Variants in MTMR12 observed in about 807,000 individuals in gnomAD.
The protein encoded by MTMR12 is myotubularin-related protein 12.
MTMR12 carries 33 observed loss-of-function variants against 96.7 expected under a neutral mutation model. The observed-to-expected ratio is 0.34, with a 90% CI of 0.26 to 0.46. The LOEUF (loss-of-function observed/expected upper bound fraction) is 0.46, where lower values mean the gene tolerates loss of function less well. Among genes scored for constraint, MTMR12 ranks in the 20% least tolerant of loss-of-function variants. The probability of loss-of-function intolerance (pLI) is 1.00; values close to 1 mark genes in which losing one functional copy is unlikely to be tolerated. For synonymous variants in MTMR12, 298 were observed against 327.2 expected (o/e 0.91, Z 0.96); for missense variants, 721 against 896.1 (o/e 0.80, Z 2.49).
At chr5:32,251,735 T>A (rs958315081) in intron 8 of MTMR12, among the ~76,000 whole-genome samples, 1 of 151,946 alleles carries the variant, frequency 6.6e-6, no homozygotes, top group Non-Finnish European at 1.5e-5. Flanking sequence ...AAGGCAACCA[T>A]AGAAGAGGGA....
Position 32,248,131 on chromosome 5 carries a change from G to A in MTMR12, c.897-5C>T. On this transcript the variant is annotated splice_polypyrimidine_tract_variant and splice_region_variant and intron_variant, in intron 9 of 15. Transcript: ENST00000382142. ...CTGTGGATGGTCTTGTAAATTCTAGGTATCAAAAAGGAATATGAGATTAGA... is the reference window on the plus strand; with the variant it reads ...CTGTGGATGGTCTTGTAAATTCTAGATATCAAAAAGGAATATGAGATTAGA... 6.2e-7 allele frequency: 1 copy of A among 1,611,292 alleles called. No individual in the cohort carries two copies. Among genetic ancestry groups the A allele is most frequent in the South Asian group, 1.1e-5 (1 of 90,802 alleles).
At chr5:32,303,917 G>A (rs1016258343) in intron 1 of MTMR12, among the ~76,000 whole-genome samples, 68 of 148,340 alleles carry the variant, frequency 4.6e-4, no homozygotes, top group African/African-American at 1.6e-3. Context: ...GAGAAACTGA[G>A]AGTGGGTATT....
chr5:32,245,251 G>T (rs927023572), intron 10 of MTMR12, among the ~76,000 whole-genome samples: 6 of 152,182 alleles, frequency 3.9e-5, no homozygotes, highest in Non-Finnish European at 7.3e-5. Flanking sequence ...GGCTAGGCTG[G>T]TCTTGAATTC....
chr5:32,274,414 T>A (rs1749969698), intron 2 of MTMR12, among the ~76,000 whole-genome samples: 1 of 152,088 alleles, frequency 6.6e-6, no homozygotes, highest in Admixed American at 6.6e-5. Flanking sequence ...GTACTAATGA[T>A]CTGAGCTGCA....
At chr5:32,268,573 G>C (rs1424623073) in intron 6 of MTMR12, 128 bp downstream of exon 6, 2 of 646,522 alleles carry the variant, frequency 3.1e-6, no homozygotes, top group Non-Finnish European at 5.5e-6. Flanking sequence ...CTCAAGCAAG[G>C]GGTGACCAAT....
chr5:32,305,404 AAAG>A (rs1385175067), intron 1 of MTMR12, among the ~76,000 whole-genome samples: 1 of 152,124 alleles, frequency 6.6e-6, no homozygotes, highest in African/African-American at 2.4e-5. Context: ...ATTCTTAAAA[AAAG>A]AAGGCAAAGG....
At chr5:32,248,658 C>T in intron 9 of MTMR12, 114 bp downstream of exon 9, 1 of 750,490 alleles carries the variant, frequency 1.3e-6, no homozygotes, top group South Asian at 1.6e-5. Context: ...AGTTGTATTC[C>T]CCTAGCATTA....
intron 2 of MTMR12, among the ~76,000 whole-genome samples, chr5:32,275,118 G>A (rs1750002544): frequency 6.6e-6 from 1 of 151,998 alleles, no homozygotes; most frequent in South Asian, 2.1e-4. Context: ...AATTTATTTA[G>A]TCTACCTTCA....
At chr5:32,278,699 C>G (rs973714322) in intron 1 of MTMR12, among the ~76,000 whole-genome samples, 1 of 152,238 alleles carries the variant, frequency 6.6e-6, no homozygotes, top group South Asian at 2.1e-4. Context: ...GTAAAAAGCT[C>G]CCCAGATGAT....
At position 32,227,389 on chromosome 5, in the gene MTMR12, G is replaced by C. The variant is rs978526732; in HGVS notation, c.*2389C>G. ...ATTCTGTACACAAATACGAGTTATA[G>C]AAATCTGATTTCAAATATAAATACA... On this transcript the variant is annotated 3_prime_UTR_variant, in exon 16 of 16. Transcript: ENST00000382142. 1 of 152,520 alleles carries C rather than the reference G, an allele frequency of 6.6e-6. No individual in the cohort carries two copies. The highest frequency in any genetic ancestry group is 2.4e-5 in the African/African-American group (1 of 41,418). 9.4% of individuals were successfully genotyped at this position (152,520 alleles called of 1,614,324 possible).
intron 8 of MTMR12, among the ~76,000 whole-genome samples, chr5:32,252,806 T>C (rs1748990011): frequency 1.3e-5 from 2 of 152,214 alleles, no homozygotes; most frequent in Non-Finnish European, 2.9e-5. Flanking sequence ...AAATATCTGG[T>C]TTAAGAGAAA....
At chr5:32,275,144 G>T (rs1289184834) in intron 2 of MTMR12, among the ~76,000 whole-genome samples, 5 of 152,060 alleles carry the variant, frequency 3.3e-5, no homozygotes, top group Admixed American at 3.3e-4. Context: ...AAAACGAACA[G>T]TTTCAGACAC....
chr5:32,297,086 G>A (rs1461800927), intron 1 of MTMR12, among the ~76,000 whole-genome samples: 10 of 147,706 alleles, frequency 6.8e-5, no homozygotes, highest in Non-Finnish European at 1.2e-4. Flanking sequence ...CTGGGTGACA[G>A]AGCGAGACTC....
chr5:32,243,170 T>C (rs1488111584), intron 11 of MTMR12, among the ~76,000 whole-genome samples: 5 of 152,198 alleles, frequency 3.3e-5, no homozygotes, highest in Non-Finnish European at 7.3e-5. Flanking sequence ...AGACACAAGA[T>C]TAAAAAAGGT....
intron 1 of MTMR12, among the ~76,000 whole-genome samples, chr5:32,306,651 C>T (rs1027031980): frequency 6.6e-6 from 1 of 151,936 alleles, no homozygotes; most frequent in Non-Finnish European, 1.5e-5. Context: ...CTCATGTGAC[C>T]CTGGTTTAGC....
intron 8 of MTMR12, among the ~76,000 whole-genome samples, chr5:32,249,406 T>C (rs1748825989): frequency 6.6e-6 from 1 of 152,014 alleles, no homozygotes; most frequent in African/African-American, 2.4e-5. Context: ...CAACTCTCAT[T>C]AGAGAAAATC....
At chr5:32,257,511 C>G (rs949415089) in intron 7 of MTMR12, among the ~76,000 whole-genome samples, 10 of 151,990 alleles carry the variant, frequency 6.6e-5, no homozygotes, top group East Asian at 5.8e-4. Flanking sequence ...TGGCTCACAC[C>G]TATAATCCCA....
At chr5:32,306,802 T>C (rs1751383788) in intron 1 of MTMR12, among the ~76,000 whole-genome samples, 2 of 152,190 alleles carry the variant, frequency 1.3e-5, no homozygotes, top group African/African-American at 4.8e-5. Context: ...AGGCAGAGTA[T>C]ATTATCTTTA....
intron 1 of MTMR12, among the ~76,000 whole-genome samples, chr5:32,290,818 C>T (rs1750713200): frequency 6.6e-6 from 1 of 152,148 alleles, no homozygotes; most frequent in Non-Finnish European, 1.5e-5. Context: ...GGAGCAAGGC[C>T]CTGCCATCTT....
Sources: allele counts gnomAD v4.1 joint callset (sites outside exome capture counted in the v4.1 genomes callset), GRCh38; gene constraint gnomAD v4.1.1; transcripts MANE v1.5; gene names NCBI Gene and HGNC (gene_info 2026-07-23, HGNC 2026-07-21).